The following ANAPC15 variants were observed in gnomAD, a reference collection of about 807,000 sequenced individuals.
The protein encoded by ANAPC15 is anaphase-promoting complex subunit 15.
A neutral mutation model predicts 19.8 loss-of-function variants in ANAPC15; 13 were observed. The ratio of observed to expected loss-of-function variants is 0.66; its 90% CI spans 0.43 to 1.04. The LOEUF (loss-of-function observed/expected upper bound fraction) is 1.04, where lower values mean the gene tolerates loss of function less well. Ranked by LOEUF, ANAPC15 falls within the 50% of genes least tolerant of loss-of-function variation. ANAPC15 has a pLI of 0.00. For missense variants in ANAPC15, 88 were observed against 150.3 expected, an observed-to-expected ratio of 0.59 and a Z score of 2.17; for synonymous variants, 45 against 50.7, an observed-to-expected ratio of 0.89 and a Z score of 0.47.
At chr11:72,110,251 G>C (rs1946362492) in intron 4 of ANAPC15, 26 bp from the exon 5 acceptor site, 1 of 1,611,378 alleles carries the variant, frequency 6.2e-7, no homozygotes, top group African/African-American at 1.3e-5. Flanking sequence ...GAGCCTGTAA[G>C]CCCTACAGGC....
chr11:72,110,332 G>A lies in ANAPC15; in HGVS notation c.181-107C>T, dbSNP rs1255220199. ...GGGCCAATGAATGACCCCCTACCCC[G>A]ACACTCCCTCCTTGAGTCTAGCAGG... On this transcript the variant is annotated intron_variant, in intron 4 of 5. Transcript: ENST00000227618. 10 of 1,581,614 alleles carry A rather than the reference G, an allele frequency of 6.3e-6. No individual in the cohort carries two copies. The East Asian group carries it at 6.7e-5, about 11-fold the overall frequency.
downstream of ANAPC15, chr11:72,108,948 C>T: frequency 6.7e-7 from 1 of 1,486,190 alleles, no homozygotes; most frequent in South Asian, 1.3e-5. Context: ...GGGGTACTTA[C>T]TGATGCCCAC....
downstream of ANAPC15, chr11:72,108,184 G>A (rs1479430235): frequency 2.9e-6 from 4 of 1,378,128 alleles, no homozygotes; most frequent in East Asian, 5.1e-5. Flanking sequence ...GACATCCCTT[G>A]TGAAGGACTC....
downstream of ANAPC15, chr11:72,107,994 T>C: frequency 6.4e-7 from 1 of 1,551,740 alleles, no homozygotes. Context: ...CTACTGTGGA[T>C]ACTCTACCCT....
downstream of ANAPC15, chr11:72,108,812 C>G (rs1318240343): frequency 1.3e-6 from 2 of 1,550,676 alleles, no homozygotes; most frequent in South Asian, 2.4e-5. Context: ...CCGCTTCTTG[C>G]AGTATGCTAA....
downstream of ANAPC15, chr11:72,109,255 T>C: frequency 2.2e-6 from 1 of 464,264 alleles, no homozygotes; most frequent in Non-Finnish European, 4.1e-6. Flanking sequence ...ATCTTCTCTC[T>C]TAACACGAAG....
downstream of ANAPC15, chr11:72,107,907 C>T (rs1325525540): frequency 1.3e-6 from 2 of 1,551,574 alleles, no homozygotes; most frequent in Non-Finnish European, 1.7e-6. Context: ...TCTGCAACAG[C>T]CATCTCCCCT....
At chr11:72,112,416 C>G in intron 1 of ANAPC15, 2 of 259,992 alleles carry the variant, frequency 7.7e-6, no homozygotes, top group East Asian at 2.3e-4. Context: ...CTGGGTAGGA[C>G]CAATTAACTG....
At chr11:72,109,172 G>A (rs1946068932), downstream of ANAPC15, 2 of 534,292 alleles carry the variant, frequency 3.7e-6, no homozygotes, top group African/African-American at 1.9e-5. Context: ...CAAGAAGCCT[G>A]AGCTCCCGAC....
At chr11:72,110,664 G>C (rs962676481) in intron 3 of ANAPC15, 61 bp from the exon 4 acceptor site, 27 of 1,593,168 alleles carry the variant, frequency 1.7e-5, no homozygotes, top group Non-Finnish European at 2.1e-5. Flanking sequence ...CAGGGGCATG[G>C]GACTGGCCCA....
intron 4 of ANAPC15, 109 bp from the exon 5 acceptor site, chr11:72,110,334 C>T: frequency 1.3e-6 from 2 of 1,581,590 alleles, no homozygotes; most frequent in South Asian, 1.1e-5. Flanking sequence ...CCTACCCCGA[C>T]ACTCCCTCCT....
chr11:72,111,430 T>C lies in ANAPC15; in HGVS notation c.-29A>G. ...GACAGACCTGGCTTTGAGTCCTGGC[T>C]CCACCACTTACTAGCTGTTTGACCT... On this transcript the variant is annotated 5_prime_UTR_variant, in exon 2 of 6. Coordinates refer to ENST00000227618, the MANE Select transcript of ANAPC15 (RefSeq NM_014042.3). 1.6e-6 allele frequency: 1 copy of C among 635,618 alleles called. No individual in the cohort carries two copies. Among genetic ancestry groups the C allele is most frequent in the Admixed American group, 2.8e-5 (1 of 36,332 alleles). The allele number at this position is 635,618 out of a possible 1,614,324, so 39.4% of individuals were successfully genotyped here.
At chr11:72,107,127 TG>T (rs1945765485), downstream of ANAPC15, 1 of 345,144 alleles carries the variant, frequency 2.9e-6, no homozygotes, top group Admixed American at 5.1e-5. Context: ...ATTAGCCGGG[TG>T]TGGTGGTGAG....
At chr11:72,110,064 C>G in intron 5 of ANAPC15, 24 bp downstream of exon 5, 1 of 1,614,136 alleles carries the variant, frequency 6.2e-7, no homozygotes, top group Non-Finnish European at 8.5e-7. Flanking sequence ...GGAACAGAGG[C>G]CCTCCCCCAT....
chr11:72,112,771 G>T (rs1432452676), upstream of ANAPC15: 2 of 455,976 alleles, frequency 4.4e-6, no homozygotes, highest in Non-Finnish European at 8.8e-6. Flanking sequence ...TGTTTTCCCC[G>T]CTCCCGCCCA....
Position 72,109,616 on chromosome 11 carries a change from G to A in ANAPC15, c.*265C>T, listed in dbSNP as rs1255471129. 6 of 582,612 alleles carry A rather than the reference G, an allele frequency of 1.0e-5. No homozygotes were observed. The highest frequency in any genetic ancestry group is 1.2e-5 in the Non-Finnish European group (4 of 326,190). 36.1% of individuals were successfully genotyped at this position (582,612 alleles called of 1,614,324 possible). A position where few individuals can be genotyped will look rare whatever the true frequency, so the allele number is the denominator to read the frequency against. ...AAATCACTCCTTTGTCTTTATTAAA[G>A]AAACTTAGACCAGACCTGGCAATCA... is the stretch of plus-strand genomic sequence containing the variant. On this transcript the variant is annotated 3_prime_UTR_variant, in exon 6 of 6. Transcript: ENST00000227618.
chr11:72,110,494 C>T (rs201339132), intron 4 of ANAPC15, 50 bp downstream of exon 4: 27 of 1,609,530 alleles, frequency 1.7e-5, no homozygotes, highest in Non-Finnish European at 2.0e-5. Flanking sequence ...AGAGCAGAGC[C>T]TCGGTCCACT....
At chr11:72,108,298 C>T (rs887705665), downstream of ANAPC15, among the ~76,000 whole-genome samples, 8 of 152,156 alleles carry the variant, frequency 5.3e-5, no homozygotes, top group African/African-American at 1.7e-4. Flanking sequence ...TATTTTCTGC[C>T]GGATGACGAA....
chr11:72,109,291 G>C (rs1452093655), downstream of ANAPC15: 4 of 472,740 alleles, frequency 8.5e-6, no homozygotes, highest in African/African-American at 7.9e-5. Context: ...AGCTCCAGGG[G>C]CCTCCCAGTT....
Sources: allele counts gnomAD v4.1 joint callset (sites outside exome capture counted in the v4.1 genomes callset), GRCh38; gene constraint gnomAD v4.1.1; transcripts MANE v1.5; gene names NCBI Gene and HGNC (gene_info 2026-07-23, HGNC 2026-07-21).